Variants in PRKD1 observed in about 807,000 individuals in gnomAD.
PRKD1 encodes serine/threonine-protein kinase D1.
A neutral mutation model predicts 95.9 loss-of-function variants in PRKD1; 63 were observed. The observed-to-expected ratio is 0.66, with a 90% CI of 0.54 to 0.81. PRKD1 has a LOEUF of 0.81. Ranked by LOEUF, PRKD1 falls within the 30% of genes least tolerant of loss-of-function variation. The probability of loss-of-function intolerance (pLI) is 0.00; values close to 1 mark genes in which losing one functional copy is unlikely to be tolerated. For missense variants in PRKD1, 1,048 were observed against 1,165.3 expected, an observed-to-expected ratio of 0.90 and a Z score of 1.47; for synonymous variants, 425 against 423.1, an observed-to-expected ratio of 1.00 and a Z score of -0.05.
intron 4 of PRKD1, among the ~76,000 whole-genome samples, chr14:29,660,300 T>C (rs996517061): frequency 1.4e-4 from 22 of 152,236 alleles, no homozygotes; most frequent in Non-Finnish European, 2.4e-4. Flanking sequence ...TACTTTATAC[T>C]TAACTTTGTA....
chr14:29,774,082 T>C (rs1888629654), intron 1 of PRKD1, among the ~76,000 whole-genome samples: 1 of 152,174 alleles, frequency 6.6e-6, no homozygotes, highest in Non-Finnish European at 1.5e-5. Flanking sequence ...AATGGATACT[T>C]GAAAATACTG....
At chr14:29,892,727 T>C (rs992451036) in intron 1 of PRKD1, among the ~76,000 whole-genome samples, 2 of 152,176 alleles carry the variant, frequency 1.3e-5, no homozygotes, top group African/African-American at 4.8e-5. Flanking sequence ...TGAGATGTTA[T>C]ACACTGTCCT....
intron 2 of PRKD1, among the ~76,000 whole-genome samples, chr14:29,722,018 T>C (rs1180459190): frequency 6.9e-6 from 1 of 145,318 alleles, no homozygotes. Context: ...GAAAATGATA[T>C]AAGCAAAGAA....
intron 10 of PRKD1, among the ~76,000 whole-genome samples, 185 bp from the exon 11 acceptor site, chr14:29,629,278 C>T (rs1879829040): frequency 6.6e-6 from 1 of 152,190 alleles, no homozygotes; most frequent in Admixed American, 6.5e-5. Flanking sequence ...ATTCAACATA[C>T]TTGTTTTTGA....
chr14:29,769,727 C>T (rs1345685806), intron 1 of PRKD1, among the ~76,000 whole-genome samples: 22 of 152,182 alleles, frequency 1.4e-4, no homozygotes. Context: ...TGCATATACA[C>T]AAATATATTG....
At chr14:29,738,535 T>C (rs1030163894) in intron 1 of PRKD1, among the ~76,000 whole-genome samples, 1 of 152,250 alleles carries the variant, frequency 6.6e-6, no homozygotes, top group Non-Finnish European at 1.5e-5. Flanking sequence ...AAGATAAATC[T>C]GTAATACCTA....
chr14:29,644,797 C>A (rs1350322801), intron 4 of PRKD1, among the ~76,000 whole-genome samples: 1 of 151,882 alleles, frequency 6.6e-6, no homozygotes, highest in African/African-American at 2.4e-5. Context: ...ACATTTTATA[C>A]AACTATTTAT....
chr14:29,775,574 G>T (rs375082811), intron 1 of PRKD1, among the ~76,000 whole-genome samples: 1 of 152,132 alleles, frequency 6.6e-6, no homozygotes, highest in African/African-American at 2.4e-5. Flanking sequence ...AGATCAAACT[G>T]CAAGGCTGCA....
chr14:29,792,803 A>C (rs1889605092), intron 1 of PRKD1, among the ~76,000 whole-genome samples: 1 of 152,076 alleles, frequency 6.6e-6, no homozygotes, highest in African/African-American at 2.4e-5. Context: ...CATTATGGAA[A>C]CTAGACGGAA....
Position 29,599,636 on chromosome 14 carries a change from G to A in PRKD1, c.2067+20C>T, listed in dbSNP as rs777367029. ...TGATATTAAATATTGTATTTTTTCC[G>A]TCTCTAATTGATTTCTTACCTGAGT... On this transcript the variant is annotated intron_variant, in intron 14 of 17. Transcript: ENST00000331968. 83 of 1,590,932 alleles carry A rather than the reference G, an allele frequency of 5.2e-5. No individual in the cohort carries two copies. Among genetic ancestry groups the A allele is most frequent in the Admixed American group, 2.1e-4 (12 of 57,166 alleles).
chr14:29,738,284 T>TA (rs965318189), intron 1 of PRKD1, among the ~76,000 whole-genome samples: 1 of 151,916 alleles, frequency 6.6e-6, no homozygotes. Context: ...ACCAGAAAAA[T>TA]AAAAAAAGAC....
At chr14:29,829,519 G>A (rs2139291559) in intron 1 of PRKD1, among the ~76,000 whole-genome samples, 1 of 152,190 alleles carries the variant, frequency 6.6e-6, no homozygotes, top group Admixed American at 6.5e-5. Context: ...TAAACCATAA[G>A]TATTTTAAAT....
chr14:29,871,447 G>A (rs1195074247), intron 1 of PRKD1, among the ~76,000 whole-genome samples: 2 of 152,210 alleles, frequency 1.3e-5, no homozygotes, highest in Non-Finnish European at 2.9e-5. Context: ...GCAGGAGAGT[G>A]TAGTAGATGC....
intron 1 of PRKD1, among the ~76,000 whole-genome samples, chr14:29,847,883 C>G (rs369060641): frequency 3.3e-5 from 5 of 152,042 alleles, no homozygotes; most frequent in African/African-American, 1.2e-4. Flanking sequence ...TCTCTCCCCC[C>G]CCACCAACCT....
At chr14:29,724,160 G>A (rs1408463253) in intron 2 of PRKD1, among the ~76,000 whole-genome samples, 2 of 152,174 alleles carry the variant, frequency 1.3e-5, no homozygotes, top group African/African-American at 4.8e-5. Context: ...CATTCAATCT[G>A]TCTGCTACTA....
chr14:29,638,895 G>A lies in PRKD1; in HGVS notation c.706C>T (p.Pro236Ser). The A allele has an allele frequency of 6.2e-7, 1 of 1,613,936 alleles. No individual in the cohort carries two copies. Among genetic ancestry groups the A allele is most frequent in the Non-Finnish European group, 8.5e-7 (1 of 1,179,882 alleles). ...TCTCGACCAATAAACGACTCTGATG[G>A]TGATTTTTGCTACATTTTGGAAAAC... ...APDEPLLQKS[P>S]SESFIGREKR... The change falls in exon 5 of 18, where the codon CCA (proline) becomes TCA (serine). Residue 236 changes from proline (P) to serine (S), a missense_variant. Coordinates refer to ENST00000331968, the MANE Select transcript of PRKD1 (RefSeq NM_002742.3).
intron 1 of PRKD1, among the ~76,000 whole-genome samples, chr14:29,783,936 T>C (rs1359400583): frequency 1.3e-5 from 2 of 152,216 alleles, no homozygotes; most frequent in East Asian, 3.8e-4. Flanking sequence ...CTACAGGTCA[T>C]CTACTCATTC....
chr14:29,908,961 G>T (rs1594620020), intron 1 of PRKD1, among the ~76,000 whole-genome samples: 1 of 152,202 alleles, frequency 6.6e-6, no homozygotes, highest in African/African-American at 2.4e-5. Flanking sequence ...GCCAAGGTCA[G>T]AGCTGGCTCC....
Position 29,634,547 on chromosome 14 carries a change from G to A in PRKD1, c.1191-6C>T, listed in dbSNP as rs45577438. ...TATTGTTGCTTGTTGATGGACTTGA[G>A]AAGTCAAAATATTGTAGGGAAAAAA... On this transcript the variant is annotated splice_region_variant and splice_polypyrimidine_tract_variant and intron_variant, in intron 7 of 17. Coordinates refer to ENST00000331968, the MANE Select transcript of PRKD1 (RefSeq NM_002742.3). 7,941 of 1,613,864 alleles carry A rather than the reference G, an allele frequency of 4.9e-3. 85 individuals are homozygous for A. Among genetic ancestry groups the A allele is most frequent in the African/African-American group, 0.043 (3,201 of 75,018 alleles).
Sources: allele counts gnomAD v4.1 joint callset (sites outside exome capture counted in the v4.1 genomes callset), GRCh38; gene constraint gnomAD v4.1.1; transcripts MANE v1.5; gene names NCBI Gene and HGNC (gene_info 2026-07-23, HGNC 2026-07-21).